ZSWIM4: variants seen among roughly 807,000 people sequenced by gnomAD.
ZSWIM4 encodes the protein zinc finger SWIM-type containing 4.
A neutral mutation model predicts 102.5 loss-of-function variants in ZSWIM4; 62 were observed. That is an observed-to-expected ratio of 0.60 (90% confidence interval 0.49 to 0.75). The LOEUF (loss-of-function observed/expected upper bound fraction) is 0.75, where lower values mean the gene tolerates loss of function less well. Ranked by LOEUF, ZSWIM4 falls within the 30% of genes least tolerant of loss-of-function variation. The pLI, the probability that ZSWIM4 is intolerant of heterozygous loss-of-function variation, is 0.00. For missense variants in ZSWIM4, 1,280 were observed against 1,529.6 expected, an observed-to-expected ratio of 0.84 and a Z score of 2.72; for synonymous variants, 652 against 674.5, an observed-to-expected ratio of 0.97 and a Z score of 0.52.
intron 12 of ZSWIM4, among the ~76,000 whole-genome samples, chr19:13,827,694 T>A (rs558035071): frequency 6.6e-6 from 1 of 151,318 alleles, no homozygotes; most frequent in South Asian, 2.1e-4. Flanking sequence ...GACAGCCTCC[T>A]GATTGGAGCC....
At chr19:13,822,163 TACACACAC>T (rs59602194) in intron 10 of ZSWIM4, among the ~76,000 whole-genome samples, 35,530 of 142,168 alleles carry the variant, frequency 0.25, 4,492 homozygotes, top group African/African-American at 0.36. Flanking sequence ...CACACACACA[TACACACAC>T]ACACACACAC....
chr19:13,819,566 G>A, intron 10 of ZSWIM4, 74 bp downstream of exon 10: 1 of 1,513,450 alleles, frequency 6.6e-7, no homozygotes, highest in Non-Finnish European at 8.9e-7. Context: ...GTAGCTCAGA[G>A]CCCCACCCAT....
chr19:13,816,975 C>T lies in ZSWIM4; in HGVS notation c.1532-241C>T, dbSNP rs184312774. On this transcript the variant is annotated intron_variant, in intron 7 of 13. Transcript: ENST00000590508. ...CATGCCTGTAATCCCTTTGGGAGGC[C>T]GAAGCAGGAGGATCGCTTGAGCTCC... Among the ~76,000 whole-genome samples the T allele has an allele frequency of 1.7e-3, 264 of 152,034 alleles. 2 individuals are homozygous for T. The highest frequency in any genetic ancestry group is 6.2e-3 in the African/African-American group (257 of 41,456).
chr19:13,808,755 A>AAG, intron 3 of ZSWIM4, 81 bp from the exon 4 acceptor site: 1 of 1,361,682 alleles, frequency 7.3e-7, no homozygotes, highest in East Asian at 2.6e-5. Context: ...AAAAAAAAAA[A>AAG]AAAAAAGGAC....
At chr19:13,797,028 G>A (rs1974630541) in intron 1 of ZSWIM4, 1 of 152,366 alleles carries the variant, frequency 6.6e-6, no homozygotes, top group African/African-American at 2.4e-5. Flanking sequence ...CCCAGGTGGA[G>A]TAGGGGCTAA....
At chr19:13,828,929 C>T (rs1975683546) in intron 13 of ZSWIM4, among the ~76,000 whole-genome samples, 1 of 151,562 alleles carries the variant, frequency 6.6e-6, no homozygotes, top group African/African-American at 2.4e-5. Flanking sequence ...AGTGAGACCC[C>T]ATCTCTACAA....
intron 12 of ZSWIM4, among the ~76,000 whole-genome samples, chr19:13,828,313 G>GCTTGAAT (rs1462989679): frequency 6.6e-6 from 1 of 152,014 alleles, no homozygotes; most frequent in African/African-American, 2.4e-5. Context: ...GGAGCCTGAG[G>GCTTGAAT]CAGGAGAATG....
At chr19:13,808,811 G>A (rs1244704499) in intron 3 of ZSWIM4, 25 bp from the exon 4 acceptor site, 2 of 1,567,720 alleles carry the variant, frequency 1.3e-6, no homozygotes, top group East Asian at 4.7e-5. Flanking sequence ...CCCAGCCTCA[G>A]CTTCCTTTCC....
rs181371650 is a variant in ZSWIM4 at position 13,797,320 on chromosome 19, C to T, written c.153+1519C>T. 6.6e-3 allele frequency among the ~76,000 whole-genome samples: 1,012 copies of T among 152,270 alleles called. 4 individuals are homozygous for T. The highest frequency in any genetic ancestry group is 0.024 in the Middle Eastern group (7 of 294). On this transcript the variant is annotated intron_variant, in intron 1 of 13. Coordinates refer to ENST00000590508, the MANE Select transcript of ZSWIM4 (RefSeq NM_001367834.3). Reference sequence around the variant, plus strand: ...TCACTGTATTGCCCAGAGCCCACAGCGGTGGCCAGGACACCCCCTCCCCTC... The same window carrying T: ...TCACTGTATTGCCCAGAGCCCACAGTGGTGGCCAGGACACCCCCTCCCCTC...
chr19:13,818,377 A>G (rs1005637474), intron 9 of ZSWIM4, among the ~76,000 whole-genome samples: 1 of 152,064 alleles, frequency 6.6e-6, no homozygotes, highest in African/African-American at 2.4e-5. Flanking sequence ...TCCGTCCCCT[A>G]GCGCTACAGG....
chr19:13,804,862 C>T lies in ZSWIM4; in HGVS notation c.426C>T (p.Ser142=), dbSNP rs748992735. ...PGEPERLYHV[S]ISFDRCKITS... Reference sequence around the variant, plus strand: ...AGCCCGAGCGCCTCTACCATGTCTCCATCAGCTTTGATCGCTGCAAGATCA... The same window carrying T: ...AGCCCGAGCGCCTCTACCATGTCTCTATCAGCTTTGATCGCTGCAAGATCA... The change falls in exon 3 of 14, where the codon TCC becomes TCT. Residue 142 remains serine, a synonymous_variant. Coordinates refer to ENST00000590508, the MANE Select transcript of ZSWIM4 (RefSeq NM_001367834.3). 6.2e-7 allele frequency: 1 copy of T among 1,613,364 alleles called. No individual in the cohort carries two copies. Among genetic ancestry groups the T allele is most frequent in the East Asian group, 2.2e-5 (1 of 44,890 alleles).
At chr19:13,821,665 G>A (rs1273989922) in intron 10 of ZSWIM4, among the ~76,000 whole-genome samples, 1 of 152,080 alleles carries the variant, frequency 6.6e-6, no homozygotes, top group Non-Finnish European at 1.5e-5. Flanking sequence ...TCCCACCTAA[G>A]CCTCCCACCA....
rs760129395 is a variant in ZSWIM4, at chr19:13,830,550, C to T, written c.2821C>T (p.Leu941=). Reference sequence around the variant, plus strand: ...CGGGCTGCCGCTCCGGGCCTACAAGCTGGCGACGCTGGCCCTGGCGCAGCT... The same window carrying T: ...CGGGCTGCCGCTCCGGGCCTACAAGTTGGCGACGCTGGCCCTGGCGCAGCT... The part of the protein sequence containing the change: ...HRGLPLRAYK[L]ATLALAQLSI... Residue 941 remains leucine, a synonymous_variant, in exon 14 of 14, where the codon CTG becomes TTG. Coordinates refer to ENST00000590508, the MANE Select transcript of ZSWIM4 (RefSeq NM_001367834.3). The T allele has an allele frequency of 6.3e-7, 1 of 1,599,508 alleles. No homozygotes were observed. The highest frequency in any genetic ancestry group is 8.5e-7 in the Non-Finnish European group (1 of 1,179,518).
Position 13,830,513 on chromosome 19 carries a change from T to C in ZSWIM4, c.2784T>C (p.Tyr928=). 1 of 1,599,910 alleles carries C rather than the reference T, an allele frequency of 6.3e-7. No homozygotes were observed. The highest frequency in any genetic ancestry group is 1.3e-5 in the African/African-American group (1 of 74,978). ...GHAHLFTVAR[Y]MEHRGLPLRA... ...CCCACCTCTTCACTGTGGCCCGCTA[T>C]ATGGAGCACCGCGGGCTGCCGCTCC... Residue 928 remains tyrosine, a synonymous_variant, in exon 14 of 14, where the codon TAT becomes TAC. Transcript: ENST00000590508.
At chr19:13,800,059 T>C in intron 2 of ZSWIM4, 138 bp downstream of exon 2, 1 of 701,576 alleles carries the variant, frequency 1.4e-6, no homozygotes, top group Non-Finnish European at 2.2e-6. Flanking sequence ...GATAGGATTG[T>C]ACAAGATTTT....
chr19:13,823,500 G>A lies in ZSWIM4; in HGVS notation c.2215G>A (p.Gly739Arg). The change falls in exon 11 of 14, where the codon GGA becomes AGA. Residue 739 changes from glycine (G) to arginine (R), a missense_variant and splice_region_variant. Physicochemically the swap from Gly to Arg is moderately radical, Grantham distance 125. Coordinates refer to ENST00000590508, the MANE Select transcript of ZSWIM4 (RefSeq NM_001367834.3). ...TTCCACCATGTTGACGGCCGCCAAG[G>A]GTGAGGCTGGCAGCTGTCCCGATTC... Reference protein sequence around the residue: ...LASTMLTAAKGDPKWLHTVLG... With the variant: ...LASTMLTAAKRDPKWLHTVLG... 1 of 1,564,546 alleles carries A rather than the reference G, an allele frequency of 6.4e-7. No homozygotes were observed. Among genetic ancestry groups the A allele is most frequent in the South Asian group, 1.2e-5 (1 of 85,440 alleles).
Position 13,830,901 on chromosome 19 carries a change from G to A in ZSWIM4, c.3172G>A (p.Asp1058Asn). The part of the protein sequence containing the change: ...LTHISPRHYG[D>N]FIEFLGKARE... ...GCACATCAGCCCGCGGCACTATGGG[G>A]ATTTCATCGAATTCCTGGGCAAGGC... The change falls in exon 14 of 14, where the codon GAT becomes AAT. Residue 1058 changes from aspartate to asparagine, a missense_variant. Asp to Asn is a conservative substitution (Grantham distance 23, BLOSUM62 1). Coordinates refer to ENST00000590508, the MANE Select transcript of ZSWIM4 (RefSeq NM_001367834.3). 6.2e-7 allele frequency: 1 copy of A among 1,614,228 alleles called. No homozygotes were observed. Among genetic ancestry groups the A allele is most frequent in the South Asian group, 1.1e-5 (1 of 91,088 alleles).
At chr19:13,824,076 G>T (rs572127464) in intron 11 of ZSWIM4, among the ~76,000 whole-genome samples, 135 of 151,070 alleles carry the variant, frequency 8.9e-4, no homozygotes, top group African/African-American at 3.1e-3. Flanking sequence ...GAGAGAGAGA[G>T]GGAGAAAGGA....
intron 10 of ZSWIM4, among the ~76,000 whole-genome samples, chr19:13,821,438 G>A (rs1027193939): frequency 2.0e-5 from 3 of 152,130 alleles, no homozygotes; most frequent in Non-Finnish European, 1.5e-5. Flanking sequence ...GGAGGCTGAG[G>A]AGGGAGGATT....
Sources: allele counts gnomAD v4.1 joint callset (sites outside exome capture counted in the v4.1 genomes callset), GRCh38; gene constraint gnomAD v4.1.1; transcripts MANE v1.5; gene names NCBI Gene and HGNC (gene_info 2026-07-23, HGNC 2026-07-21).